LRBA: variants seen among roughly 807,000 people sequenced by gnomAD.
The protein encoded by LRBA is lipopolysaccharide-responsive and beige-like anchor protein.
A neutral mutation model predicts 330.0 loss-of-function variants in LRBA; 176 were observed. The ratio of observed to expected loss-of-function variants is 0.53; its 90% CI spans 0.47 to 0.60. The LOEUF is 0.60. Among genes scored for constraint, LRBA ranks in the 20% least tolerant of loss-of-function variants. The pLI is 0.00. For synonymous variants in LRBA, 1,230 were observed against 1,193.0 expected (o/e 1.03, Z -0.64); for missense variants, 3,259 against 3,444.8 (o/e 0.95, Z 1.35).
chr4:150,909,331 T>C (rs756211431), intron 9 of LRBA, among the ~76,000 whole-genome samples: 1 of 152,214 alleles, frequency 6.6e-6, no homozygotes, highest in African/African-American at 2.4e-5. Flanking sequence ...TCTGTTTCTA[T>C]GAGTTGGACT....
chr4:150,716,445 C>T (rs147890219), intron 36 of LRBA, among the ~76,000 whole-genome samples: 55 of 152,222 alleles, frequency 3.6e-4, no homozygotes, highest in African/African-American at 1.3e-3. Flanking sequence ...ATTACCTTCG[C>T]AACTTGTTTT....
At chr4:150,325,650 T>C (rs1357533919) in intron 49 of LRBA, among the ~76,000 whole-genome samples, 159 bp downstream of exon 49, 2 of 152,102 alleles carry the variant, frequency 1.3e-5, no homozygotes, top group Non-Finnish European at 2.9e-5. Flanking sequence ...CAGGAGACAA[T>C]GCAATAACAT....
intron 17 of LRBA, among the ~76,000 whole-genome samples, chr4:150,878,041 C>T (rs933350660): frequency 2.0e-5 from 3 of 151,864 alleles, no homozygotes; most frequent in South Asian, 2.1e-4. Flanking sequence ...AGTGTTAAGA[C>T]GAAACTTTAG....
intron 40 of LRBA, among the ~76,000 whole-genome samples, chr4:150,551,446 A>G (rs1314043273): frequency 6.6e-6 from 1 of 152,138 alleles, no homozygotes; most frequent in East Asian, 1.9e-4. Context: ...TGGGAGGCTG[A>G]GGTAGGTAGA....
chr4:150,901,469 T>C (rs565579245), intron 13 of LRBA, among the ~76,000 whole-genome samples: 10 of 152,288 alleles, frequency 6.6e-5, no homozygotes, highest in Admixed American at 5.9e-4. Flanking sequence ...GTATAGGATA[T>C]ATATTCTTCC....
intron 47 of LRBA, among the ~76,000 whole-genome samples, chr4:150,405,041 G>T (rs1356088992): frequency 1.3e-5 from 2 of 152,084 alleles, no homozygotes; most frequent in Non-Finnish European, 2.9e-5. Flanking sequence ...ACGGTGGGAG[G>T]CATTGGGTCA....
At chr4:150,963,138 T>C (rs1302578664) in intron 2 of LRBA, among the ~76,000 whole-genome samples, 3 of 148,236 alleles carry the variant, frequency 2.0e-5, no homozygotes, top group Non-Finnish European at 2.9e-5. Context: ...TATTTAACAA[T>C]GAATTTAATC....
chr4:150,517,198 T>C (rs549303512), intron 40 of LRBA, among the ~76,000 whole-genome samples: 2 of 152,160 alleles, frequency 1.3e-5, no homozygotes, highest in East Asian at 1.9e-4. Context: ...AAGAAAAACA[T>C]GAGAAGATTA....
intron 2 of LRBA, among the ~76,000 whole-genome samples, chr4:150,974,544 C>G (rs888705418): frequency 6.6e-6 from 1 of 152,128 alleles, no homozygotes; most frequent in Non-Finnish European, 1.5e-5. Flanking sequence ...AGTTGTACAA[C>G]TAAACAAGGA....
intron 22 of LRBA, among the ~76,000 whole-genome samples, chr4:150,865,717 CTTTTT>C (rs779221199): frequency 7.4e-6 from 1 of 134,544 alleles, no homozygotes; most frequent in Non-Finnish European, 1.6e-5. Context: ...GCAATATATT[CTTTTT>C]TTTTTTTTTT....
chr4:150,947,500 A>C (rs909144022), intron 2 of LRBA, among the ~76,000 whole-genome samples: 5 of 152,070 alleles, frequency 3.3e-5, no homozygotes, highest in African/African-American at 1.2e-4. Flanking sequence ...TGAGGATAAA[A>C]ACTCAGAAAA....
chr4:150,618,597 T>A (rs964790400), intron 37 of LRBA, among the ~76,000 whole-genome samples: 2 of 152,032 alleles, frequency 1.3e-5, no homozygotes, highest in Non-Finnish European at 2.9e-5. Context: ...AGAAATAATT[T>A]ATATAAAAAA....
chr4:150,775,187 G>A (rs949804589), intron 34 of LRBA, among the ~76,000 whole-genome samples: 1 of 152,140 alleles, frequency 6.6e-6, no homozygotes, highest in Admixed American at 6.5e-5. Context: ...AAGGGTAGTC[G>A]TAGAGCTCTT....
intron 17 of LRBA, among the ~76,000 whole-genome samples, chr4:150,877,207 G>C (rs1017747148): frequency 6.7e-6 from 1 of 149,276 alleles, no homozygotes; most frequent in Non-Finnish European, 1.5e-5. Context: ...GCAGTGAGCA[G>C]AGATCGCGCC....
intron 40 of LRBA, among the ~76,000 whole-genome samples, chr4:150,511,561 C>A (rs942287232): frequency 6.6e-6 from 1 of 152,164 alleles, no homozygotes; most frequent in Non-Finnish European, 1.5e-5. Context: ...TCAACGTGCA[C>A]CACCAAGGAG....
intron 39 of LRBA, among the ~76,000 whole-genome samples, chr4:150,589,193 T>C (rs561174327): frequency 1.6e-3 from 243 of 152,324 alleles, no homozygotes; most frequent in Non-Finnish European, 2.3e-3. Context: ...TCTGAATTAA[T>C]ATAGTGCCTA....
chr4:150,448,164 G>A (rs1752841348), intron 44 of LRBA, among the ~76,000 whole-genome samples: 1 of 152,164 alleles, frequency 6.6e-6, no homozygotes, highest in Non-Finnish European at 1.5e-5. Context: ...TGTGCCACAA[G>A]GCAAAGGATT....
chr4:150,637,177 TA>T (rs562151056), intron 37 of LRBA, among the ~76,000 whole-genome samples: 8 of 149,650 alleles, frequency 5.3e-5, no homozygotes, highest in African/African-American at 1.2e-4. Context: ...TTATTCCTTC[TA>T]AAAAAAAAAT....
chr4:150,300,385 G>C (rs916002712), intron 53 of LRBA, among the ~76,000 whole-genome samples: 1 of 151,926 alleles, frequency 6.6e-6, no homozygotes, highest in Non-Finnish European at 1.5e-5. Context: ...AGCATTACTA[G>C]GAGGTAATGT....
Sources: allele counts gnomAD v4.1 joint callset (sites outside exome capture counted in the v4.1 genomes callset), GRCh38; gene constraint gnomAD v4.1.1; transcripts MANE v1.5; gene names NCBI Gene and HGNC (gene_info 2026-07-23, HGNC 2026-07-21).